Variants in DNM3 observed in about 807,000 individuals in gnomAD.
DNM3 encodes the protein dynamin 3, also known as dynamin-3.
DNM3 carries 47 observed loss-of-function variants against 101.6 expected under a neutral mutation model. The ratio of observed to expected loss-of-function variants is 0.46; its 90% CI spans 0.37 to 0.59. DNM3 has a LOEUF of 0.59. DNM3 is among the 20% of genes least tolerant of loss of function. DNM3 has a pLI of 0.00. For missense variants in DNM3, 849 were observed against 1,085.7 expected, an observed-to-expected ratio of 0.78 and a Z score of 3.06; for synonymous variants, 385 against 387.9, an observed-to-expected ratio of 0.99 and a Z score of 0.09.
At chr1:172,201,300 C>T (rs2060143803) in intron 14 of DNM3, among the ~76,000 whole-genome samples, 1 of 152,086 alleles carries the variant, frequency 6.6e-6, no homozygotes, top group African/African-American at 2.4e-5. Context: ...GATCCTCTCC[C>T]CCTTGAGTGC....
At chr1:171,960,294 A>T (rs769356219) in intron 2 of DNM3, among the ~76,000 whole-genome samples, 6 of 152,146 alleles carry the variant, frequency 3.9e-5, no homozygotes, top group Non-Finnish European at 8.8e-5. Flanking sequence ...CAACACTTCA[A>T]CTTAGGCTTC....
At chr1:171,941,967 G>C (rs1376266685) in intron 2 of DNM3, among the ~76,000 whole-genome samples, 2 of 152,060 alleles carry the variant, frequency 1.3e-5, no homozygotes, top group African/African-American at 4.8e-5. Context: ...GACATACTAA[G>C]ATTTATATTT....
At position 172,120,601 on chromosome 1, in the gene DNM3, G is replaced by T. The variant is rs531532212; in HGVS notation, c.1546-10574G>T. On this transcript the variant is annotated intron_variant, in intron 13 of 20. Transcript: ENST00000627582. ...GAGGCTCACTCTTGCTTTAGGTAGA[G>T]TGGCCACACTGAGTTTGCCTCTCCC... Among the ~76,000 whole-genome samples, 9 of 152,282 alleles carry T rather than the reference G, an allele frequency of 5.9e-5. No individual in the cohort carries two copies. In the South Asian group the frequency reaches 1.9e-3, roughly 32 times the overall value.
intron 17 of DNM3, among the ~76,000 whole-genome samples, chr1:172,346,942 G>A (rs1402617691): frequency 6.6e-6 from 1 of 152,114 alleles, no homozygotes; most frequent in African/African-American, 2.4e-5. Context: ...CTGTATCCTG[G>A]TCTAAGAATA....
At chr1:171,896,455 T>C (rs1485002867) in intron 1 of DNM3, among the ~76,000 whole-genome samples, 1 of 152,224 alleles carries the variant, frequency 6.6e-6, no homozygotes, top group African/African-American at 2.4e-5. Context: ...ATTATTGGTG[T>C]ATAGGAATGC....
intron 14 of DNM3, among the ~76,000 whole-genome samples, chr1:172,231,719 T>C (rs56942442): frequency 0.036 from 5,448 of 152,170 alleles, 140 homozygotes; most frequent in Middle Eastern, 0.095. Context: ...AATGGATAAC[T>C]AGAATAACCA....
chr1:172,248,668 T>G (rs2062051237), intron 14 of DNM3, among the ~76,000 whole-genome samples: 1 of 152,068 alleles, frequency 6.6e-6, no homozygotes, highest in Admixed American at 6.6e-5. Context: ...AAGGCAGAGA[T>G]AGAAATAAAC....
At chr1:172,323,879 G>A (rs1199444842) in intron 17 of DNM3, among the ~76,000 whole-genome samples, 1 of 152,146 alleles carries the variant, frequency 6.6e-6, no homozygotes, top group Admixed American at 6.5e-5. Context: ...TGGCTTCTGT[G>A]CCCTTGATGT....
chr1:172,316,810 G>A (rs2148895316), intron 16 of DNM3, among the ~76,000 whole-genome samples: 1 of 152,226 alleles, frequency 6.6e-6, no homozygotes, highest in Admixed American at 6.5e-5. Flanking sequence ...ACACCCCACT[G>A]TTAACATTAG....
intron 14 of DNM3, among the ~76,000 whole-genome samples, chr1:172,176,644 A>C (rs564430002): frequency 6.6e-6 from 1 of 151,980 alleles, no homozygotes; most frequent in Admixed American, 6.6e-5. Context: ...CAGATTCCTG[A>C]CCCACAGAAA....
chr1:172,074,948 C>T (rs192631960), intron 11 of DNM3, among the ~76,000 whole-genome samples: 64 of 152,326 alleles, frequency 4.2e-4, no homozygotes, highest in African/African-American at 1.5e-3. Flanking sequence ...TAAAAGCATT[C>T]CTATTTCTCC....
chr1:172,169,532 A>G (rs546470565), intron 14 of DNM3, among the ~76,000 whole-genome samples: 2 of 152,096 alleles, frequency 1.3e-5, no homozygotes, highest in South Asian at 4.1e-4. Context: ...GGCCATGGCC[A>G]CTAATGCCAC....
intron 14 of DNM3, among the ~76,000 whole-genome samples, chr1:172,141,225 A>C (rs2057560080): frequency 6.6e-6 from 1 of 152,116 alleles, no homozygotes; most frequent in African/African-American, 2.4e-5. Flanking sequence ...AATTATTTGT[A>C]AGAGACCTTT....
intron 17 of DNM3, 70 bp from the exon 18 acceptor site, chr1:172,378,948 T>C: frequency 6.7e-7 from 1 of 1,498,350 alleles, no homozygotes; most frequent in Non-Finnish European, 9.0e-7. Context: ...GATAATCTGA[T>C]AACGACTGAC....
Position 172,085,077 on chromosome 1 carries a change from C to T in DNM3, c.1493+3175C>T, listed in dbSNP as rs372922699. ...TAGACATGGCCTGTAAAATATGTAC[C>T]GTGTGTAATGTGTCCAAATAAGCAC... On this transcript the variant is annotated intron_variant, in intron 12 of 20. Transcript: ENST00000627582. Among the ~76,000 whole-genome samples the T allele has an allele frequency of 4.6e-5, 7 of 151,532 alleles. No individual in the cohort carries two copies. In the East Asian group the frequency reaches 1.4e-3, roughly 29 times the overall value.
At chr1:172,116,716 G>A (rs931994733) in intron 13 of DNM3, among the ~76,000 whole-genome samples, 2 of 152,212 alleles carry the variant, frequency 1.3e-5, no homozygotes, top group Admixed American at 1.3e-4. Flanking sequence ...AAGTTAAAAG[G>A]TGTGTTTATC....
intron 14 of DNM3, among the ~76,000 whole-genome samples, chr1:172,203,856 T>G (rs1471215366): frequency 6.6e-6 from 1 of 152,164 alleles, no homozygotes; most frequent in Non-Finnish European, 1.5e-5. Context: ...AATTGGTTAT[T>G]TATGTTGTGT....
At chr1:171,933,665 C>T (rs1224901664) in intron 2 of DNM3, among the ~76,000 whole-genome samples, 1 of 151,982 alleles carries the variant, frequency 6.6e-6, no homozygotes, top group Non-Finnish European at 1.5e-5. Context: ...GCTACTGTTG[C>T]TGCAACAGCA....
intron 1 of DNM3, among the ~76,000 whole-genome samples, chr1:171,861,507 A>T (rs1282668528): frequency 6.6e-6 from 1 of 152,170 alleles, no homozygotes; most frequent in Non-Finnish European, 1.5e-5. Flanking sequence ...CCTTTTCAAC[A>T]AATGGTACTG....
Sources: allele counts gnomAD v4.1 joint callset (sites outside exome capture counted in the v4.1 genomes callset), GRCh38; gene constraint gnomAD v4.1.1; transcripts MANE v1.5; gene names NCBI Gene and HGNC (gene_info 2026-07-23, HGNC 2026-07-21).